The following GABPA variants were observed in gnomAD, a reference collection of about 807,000 sequenced individuals.
The protein encoded by GABPA is GA-binding protein alpha chain.
In GABPA, 4 loss-of-function variants were observed where a neutral mutation model predicts 59.4. That is an observed-to-expected ratio of 0.07 (90% CI 0.03 to 0.15). The LOEUF (loss-of-function observed/expected upper bound fraction) is 0.15, where lower values mean the gene tolerates loss of function less well. Ranked by LOEUF, GABPA falls within the 10% of genes least tolerant of loss-of-function variation. The probability of loss-of-function intolerance (pLI) is 1.00; values close to 1 mark genes in which losing one functional copy is unlikely to be tolerated. For synonymous variants in GABPA, 164 were observed against 183.1 expected, an observed-to-expected ratio of 0.90 and a Z score of 0.84; for missense variants, 251 against 543.8, an observed-to-expected ratio of 0.46 and a Z score of 5.36.
chr21:25,764,929 T>C, intron 9 of GABPA, 142 bp downstream of exon 9: 1 of 564,546 alleles, frequency 1.8e-6, no homozygotes, highest in Non-Finnish European at 2.8e-6. Context: ...TTAAAAAACC[T>C]TTTTAAAAAG....
At chr21:25,739,595 T>G (rs962431186) in intron 1 of GABPA, among the ~76,000 whole-genome samples, 2 of 152,144 alleles carry the variant, frequency 1.3e-5, no homozygotes, top group Non-Finnish European at 2.9e-5. Flanking sequence ...AATTTCCTCT[T>G]CTACTTTTAA....
intron 3 of GABPA, among the ~76,000 whole-genome samples, chr21:25,747,853 A>G (rs1415937677): frequency 6.6e-6 from 1 of 152,222 alleles, no homozygotes; most frequent in Non-Finnish European, 1.5e-5. Flanking sequence ...AATGAAATGT[A>G]TATTAATGGA....
At chr21:25,759,360 T>C (rs182420142) in intron 6 of GABPA, among the ~76,000 whole-genome samples, 1 of 152,272 alleles carries the variant, frequency 6.6e-6, no homozygotes. Flanking sequence ...AGGAGAGAGC[T>C]CTGGTGGAGG....
chr21:25,758,350 G>A (rs2035687123), intron 6 of GABPA, 146 bp downstream of exon 6: 2 of 575,230 alleles, frequency 3.5e-6, no homozygotes, highest in East Asian at 6.4e-5. Flanking sequence ...ATGCTATGCT[G>A]AAAGCTCTAT....
At chr21:25,762,965 C>A in intron 7 of GABPA, 2 of 377,648 alleles carry the variant, frequency 5.3e-6, no homozygotes, top group South Asian at 5.3e-5. Flanking sequence ...TCGCCGCCTC[C>A]ACTACTTTTG....
intron 1 of GABPA, among the ~76,000 whole-genome samples, chr21:25,740,788 T>G (rs943793255): frequency 6.6e-6 from 1 of 152,256 alleles, no homozygotes; most frequent in Admixed American, 6.5e-5. Context: ...TTTTATAATA[T>G]TCTTGCATTT....
intron 1 of GABPA, among the ~76,000 whole-genome samples, chr21:25,739,991 G>A (rs1195109711): frequency 6.6e-6 from 1 of 152,162 alleles, no homozygotes; most frequent in Non-Finnish European, 1.5e-5. Context: ...GGACAAGAGT[G>A]GACACAGGGA....
chr21:25,741,480 G>A lies in GABPA; in HGVS notation c.-26-93G>A, dbSNP rs570562598. 498 of 510,540 alleles carry A rather than the reference G, an allele frequency of 9.8e-4. 2 individuals are homozygous for A. The highest frequency in any genetic ancestry group is 9.1e-3 in the Middle Eastern group (17 of 1,868). 31.6% of individuals were successfully genotyped at this position (510,540 alleles called of 1,614,324 possible). Reference sequence around the variant, plus strand: ...ACTACTTCCCCCTCTTCTGCTTGGCGTTTGCTTTTTATTTGGATTGGGTCT... The same window carrying A: ...ACTACTTCCCCCTCTTCTGCTTGGCATTTGCTTTTTATTTGGATTGGGTCT... On this transcript the variant is annotated intron_variant, in intron 1 of 9. Coordinates refer to ENST00000400075, the MANE Select transcript of GABPA (RefSeq NM_002040.4).
chr21:25,762,297 T>G lies in GABPA; in HGVS notation c.749-15T>G, dbSNP rs1364221136. The G allele has an allele frequency of 3.4e-6, 5 of 1,490,682 alleles. No homozygotes were observed. The highest frequency in any genetic ancestry group is 4.6e-5 in the East Asian group (2 of 43,692). 92.3% of individuals were successfully genotyped at this position (1,490,682 alleles called of 1,614,324 possible). ...TTGGTTTTAAATAAAAACAAAAAATTTTTGTTTTTTTCAGATGTATTGGCA... is the reference window on the plus strand; with the variant it reads ...TTGGTTTTAAATAAAAACAAAAAATGTTTGTTTTTTTCAGATGTATTGGCA... On this transcript the variant is annotated splice_polypyrimidine_tract_variant and intron_variant, in intron 6 of 9. Transcript: ENST00000400075.
At position 25,772,287 on chromosome 21, in the gene GABPA, T is replaced by C. The variant is rs2036023549; in HGVS notation, c.*3055T>C. 1 of 152,048 alleles carries C rather than the reference T, an allele frequency of 6.6e-6. No homozygotes were observed. Among genetic ancestry groups the C allele is most frequent in the African/African-American group, 2.4e-5 (1 of 41,394 alleles). The allele number at this position is 152,048 out of a possible 1,614,324, so 9.4% of individuals were successfully genotyped here. A position where few individuals can be genotyped will look rare whatever the true frequency, so the allele number is the denominator to read the frequency against. On this transcript the variant is annotated 3_prime_UTR_variant, in exon 10 of 10. Coordinates refer to ENST00000400075, the MANE Select transcript of GABPA (RefSeq NM_002040.4). Reference sequence around the variant, plus strand: ...GACTTTTGCATACATTTTTACTCTTTAAATAACGACAACGACACTTATACT... The same window carrying C: ...GACTTTTGCATACATTTTTACTCTTCAAATAACGACAACGACACTTATACT...
chr21:25,737,604 A>G (rs1331127745), intron 1 of GABPA, among the ~76,000 whole-genome samples: 1 of 152,082 alleles, frequency 6.6e-6, no homozygotes, highest in East Asian at 1.9e-4. Flanking sequence ...TTCCTATTTT[A>G]GTGTTTATGT....
Position 25,768,023 on chromosome 21 carries a change from T to C in GABPA, c.1137-981T>C, listed in dbSNP as rs537001533. Among the ~76,000 whole-genome samples, 4 of 152,214 alleles carry C rather than the reference T, an allele frequency of 2.6e-5. 1 individual carries two copies. The highest frequency in any genetic ancestry group is 9.6e-5 in the African/African-American group (4 of 41,558). ...GTCAGTGGGCAGTGCAATTTTAAAA[T>C]AAGGGCTTTGCAATCTGCCAGTCGT... On this transcript the variant is annotated intron_variant, in intron 9 of 9. Transcript: ENST00000400075.
intron 9 of GABPA, among the ~76,000 whole-genome samples, chr21:25,765,520 A>G (rs370574021): frequency 2.0e-5 from 3 of 151,832 alleles, no homozygotes; most frequent in Non-Finnish European, 2.9e-5. Flanking sequence ...CAGTATCCCA[A>G]TATAATTATA....
intron 5 of GABPA, among the ~76,000 whole-genome samples, chr21:25,753,888 A>C (rs1254688304): frequency 6.6e-6 from 1 of 152,160 alleles, no homozygotes; most frequent in Non-Finnish European, 1.5e-5. Context: ...GAAAGGCTGT[A>C]TTGTAGAACC....
rs1863762537 is a variant in GABPA at position 25,770,727 on chromosome 21, CA to C, written c.*1497del. 1 of 151,976 alleles carries C rather than the reference CA, an allele frequency of 6.6e-6. No homozygotes were observed. The highest frequency in any genetic ancestry group is 6.6e-5 in the Admixed American group (1 of 15,238). The allele number at this position is 151,976 out of a possible 1,614,324, so 9.4% of individuals were successfully genotyped here. On this transcript the variant is annotated 3_prime_UTR_variant, in exon 10 of 10. Coordinates refer to ENST00000400075, the MANE Select transcript of GABPA (RefSeq NM_002040.4). ...AATACAGGCAAGATGGCATTGTTAG[CA>C]ATTCTGGTAGTGGTTTGGAATGAAT...
At chr21:25,760,864 CT>C (rs67754726) in intron 6 of GABPA, among the ~76,000 whole-genome samples, 120 of 147,754 alleles carry the variant, frequency 8.1e-4, no homozygotes, top group Admixed American at 9.4e-4. Context: ...CTTTCAAAAA[CT>C]TTTTTTTTTT....
intron 6 of GABPA, among the ~76,000 whole-genome samples, chr21:25,761,530 T>A (rs978907762): frequency 1.3e-5 from 2 of 152,170 alleles, no homozygotes; most frequent in Non-Finnish European, 2.9e-5. Context: ...CGGAGTCTTC[T>A]TGGGAGCCCA....
rs1014293916 is a variant in GABPA at position 25,764,227 on chromosome 21, G to C, written c.820G>C (p.Ala274Pro). ...TIDQPVQIIP[A>P]SVQSATPTTI... The stretch of plus-strand genomic sequence containing the variant: ...CTTTGCAGCTGTGCAAATTATTCCA[G>C]CATCAGTGCAATCTGCTACACCTAC... The change falls in exon 8 of 10, where the codon GCA becomes CCA. Residue 274 changes from alanine (A) to proline (P), a missense_variant. Physicochemically the swap from Ala to Pro is conservative, Grantham distance 27. Coordinates refer to ENST00000400075, the MANE Select transcript of GABPA (RefSeq NM_002040.4). 1 of 1,598,532 alleles carries C rather than the reference G, an allele frequency of 6.3e-7. No homozygotes were observed. The highest frequency in any genetic ancestry group is 1.4e-5 in the African/African-American group (1 of 73,926).
At chr21:25,757,877 C>CTTA in intron 5 of GABPA, 133 bp from the exon 6 acceptor site, 3 of 150,706 alleles carry the variant, frequency 2.0e-5, no homozygotes, top group Non-Finnish European at 1.2e-5. Context: ...TTTTTTGCTT[C>CTTA]ATATAGTAAG....
Sources: gnomAD v4.1 joint callset for allele counts (sites outside exome capture counted in the v4.1 genomes callset) on GRCh38, gnomAD v4.1.1 for gene constraint, MANE v1.5 for transcripts, NCBI Gene and HGNC (gene_info 2026-07-23, HGNC 2026-07-21) for gene names.